NMNAT2: variants seen among roughly 807,000 people sequenced by gnomAD.
NMNAT2 encodes nicotinamide/nicotinic acid mononucleotide adenylyltransferase 2.
In NMNAT2, 11 loss-of-function variants were observed where a neutral mutation model predicts 41.6. The observed-to-expected ratio is 0.26, with a 90% CI of 0.17 to 0.44. The LOEUF is 0.44. NMNAT2 is among the 20% of genes least tolerant of loss of function. The pLI, the probability that NMNAT2 is intolerant of heterozygous loss-of-function variation, is 1.00. For missense variants in NMNAT2, 288 were observed against 407.7 expected (o/e 0.71, Z 2.53); for synonymous variants, 148 against 151.2 (o/e 0.98, Z 0.16).
At chr1:183,339,614 G>T (rs1662752172) in intron 1 of NMNAT2, among the ~76,000 whole-genome samples, 1 of 151,812 alleles carries the variant, frequency 6.6e-6, no homozygotes, top group South Asian at 2.1e-4. Context: ...TGGCATAAAG[G>T]GTTATTGTGA....
chr1:183,269,233 C>T lies in NMNAT2; in HGVS notation c.652-7930G>A, dbSNP rs568756175. 3.6e-4 allele frequency among the ~76,000 whole-genome samples: 55 copies of T among 152,172 alleles called. No individual in the cohort carries two copies. In the South Asian group the frequency reaches 5.0e-3, roughly 14 times the overall value. On this transcript the variant is annotated intron_variant, in intron 8 of 10. Coordinates refer to ENST00000287713, the MANE Select transcript of NMNAT2 (RefSeq NM_015039.4). ...ATGAGGCCACAGCTAGTACAAAGAC[C>T]CTGAGGTGGGGAAAACTGTTTAAAT...
At chr1:183,412,644 G>A (rs1365633543) in intron 1 of NMNAT2, among the ~76,000 whole-genome samples, 1 of 152,236 alleles carries the variant, frequency 6.6e-6, no homozygotes, top group Admixed American at 6.5e-5. Flanking sequence ...TTGCACCAGG[G>A]ATGTAGATGG....
At position 183,255,662 on chromosome 1, in the gene NMNAT2, G is replaced by T. The variant is rs1218850982; in HGVS notation, c.822-2919C>A. Among the ~76,000 whole-genome samples the T allele has an allele frequency of 1.5e-3, 152 of 100,932 alleles. 2 individuals are homozygous for T. The highest frequency in any genetic ancestry group is 5.3e-3 in the African/African-American group (139 of 26,048). The allele number at this position is 100,932 out of a possible 152,430, so 66.2% of individuals were successfully genotyped here. On this transcript the variant is annotated intron_variant, in intron 10 of 10. Transcript: ENST00000287713. ...TCCTTTGTTAAATTTATTCCTAAGG[G>T]TTTTTTTTTTTTTTTTTTTCAGACA... is the stretch of plus-strand genomic sequence containing the variant.
At position 183,387,565 on chromosome 1, in the gene NMNAT2, A is replaced by G. The variant is rs563186496; in HGVS notation, c.85+30618T>C. Reference sequence around the variant, plus strand: ...TCCACAATTTGTCAACTAATCTACTATGTTTCCACATCTATCTCTTGGTCT... The same window carrying G: ...TCCACAATTTGTCAACTAATCTACTGTGTTTCCACATCTATCTCTTGGTCT... On this transcript the variant is annotated intron_variant, in intron 1 of 10. Coordinates refer to ENST00000287713, the MANE Select transcript of NMNAT2 (RefSeq NM_015039.4). Among the ~76,000 whole-genome samples, 9 of 152,330 alleles carry G rather than the reference A, an allele frequency of 5.9e-5. No homozygotes were observed. In the East Asian group the frequency reaches 1.7e-3, roughly 29 times the overall value.
At chr1:183,337,782 G>T (rs576685925) in intron 1 of NMNAT2, among the ~76,000 whole-genome samples, 1 of 152,128 alleles carries the variant, frequency 6.6e-6, no homozygotes, top group South Asian at 2.1e-4. Context: ...CCATCCATTT[G>T]CACTTTTATT....
intron 1 of NMNAT2, among the ~76,000 whole-genome samples, chr1:183,355,259 C>T (rs1266345297): frequency 6.6e-6 from 1 of 152,202 alleles, no homozygotes; most frequent in Non-Finnish European, 1.5e-5. Flanking sequence ...CTCATATGCT[C>T]TCCCAGAAGC....
chr1:183,352,027 A>T (rs1663055503), intron 1 of NMNAT2, among the ~76,000 whole-genome samples: 1 of 152,172 alleles, frequency 6.6e-6, no homozygotes, highest in South Asian at 2.1e-4. Context: ...AAGGGAACAG[A>T]CATATCAATA....
At chr1:183,403,429 GA>G (rs1230466553) in intron 1 of NMNAT2, among the ~76,000 whole-genome samples, 13 of 147,408 alleles carry the variant, frequency 8.8e-5, no homozygotes, top group African/African-American at 3.3e-4. Flanking sequence ...AGGGACAAGT[GA>G]AGAGGAACAA....
intron 1 of NMNAT2, among the ~76,000 whole-genome samples, chr1:183,411,783 T>C (rs1219883104): frequency 6.6e-6 from 1 of 152,044 alleles, no homozygotes; most frequent in Non-Finnish European, 1.5e-5. Context: ...AGGTGATAAG[T>C]ACGAAGGGGA....
intron 1 of NMNAT2, among the ~76,000 whole-genome samples, chr1:183,331,866 C>T (rs1230224262): frequency 6.6e-6 from 1 of 152,244 alleles, no homozygotes; most frequent in Non-Finnish European, 1.5e-5. Context: ...GGGCTCACTA[C>T]AACCTCTGCC....
intron 10 of NMNAT2, among the ~76,000 whole-genome samples, chr1:183,254,692 C>T (rs555734002): frequency 6.6e-6 from 1 of 152,346 alleles, no homozygotes; most frequent in Admixed American, 6.5e-5. Context: ...CCACCTCAGC[C>T]TCCCAGCGTG....
At chr1:183,269,103 T>G (rs1660914659) in intron 8 of NMNAT2, among the ~76,000 whole-genome samples, 1 of 151,998 alleles carries the variant, frequency 6.6e-6, no homozygotes, top group African/African-American at 2.4e-5. Flanking sequence ...AAACATCAAA[T>G]AGAGTTAAGT....
At chr1:183,383,030 C>T (rs772914504) in intron 1 of NMNAT2, among the ~76,000 whole-genome samples, 7 of 152,228 alleles carry the variant, frequency 4.6e-5, no homozygotes, top group Non-Finnish European at 8.8e-5. Flanking sequence ...CAGACTTCTG[C>T]CTGCACATCC....
At chr1:183,301,771 T>C (rs1220963991) in intron 1 of NMNAT2, among the ~76,000 whole-genome samples, 1 of 152,252 alleles carries the variant, frequency 6.6e-6, no homozygotes, top group East Asian at 1.9e-4. Context: ...TAAAAATTCA[T>C]GAGACACACA....
chr1:183,406,309 G>GA (rs1648952927), intron 1 of NMNAT2, among the ~76,000 whole-genome samples: 1 of 152,188 alleles, frequency 6.6e-6, no homozygotes, highest in Admixed American at 6.5e-5. Flanking sequence ...AGCCGAAAGA[G>GA]AAGGGTGCTG....
intron 1 of NMNAT2, among the ~76,000 whole-genome samples, chr1:183,370,447 G>A (rs1249534063): frequency 1.3e-5 from 2 of 152,170 alleles, no homozygotes; most frequent in East Asian, 1.9e-4. Context: ...TAAATGAAAT[G>A]AAGTTGTGAA....
chr1:183,333,482 G>C (rs1012530161), intron 1 of NMNAT2, among the ~76,000 whole-genome samples: 1 of 152,192 alleles, frequency 6.6e-6, no homozygotes, highest in Admixed American at 6.5e-5. Flanking sequence ...GTCAGAGTCA[G>C]AGAAGGAGAT....
intron 1 of NMNAT2, among the ~76,000 whole-genome samples, chr1:183,369,263 C>CTTTTTTT (rs55925461): frequency 2.1e-5 from 3 of 140,092 alleles, no homozygotes; most frequent in Non-Finnish European, 3.1e-5. Context: ...CTTTTCTTTT[C>CTTTTTTT]TTTTTTTTTT....
chr1:183,347,361 G>C (rs1358692568), intron 1 of NMNAT2, among the ~76,000 whole-genome samples: 4 of 152,100 alleles, frequency 2.6e-5, no homozygotes, highest in Non-Finnish European at 5.9e-5. Context: ...GAGGGTGAGA[G>C]AGGAGAATCA....
Sources: allele counts gnomAD v4.1 joint callset (sites outside exome capture counted in the v4.1 genomes callset), GRCh38; gene constraint gnomAD v4.1.1; transcripts MANE v1.5; gene names NCBI Gene and HGNC (gene_info 2026-07-23, HGNC 2026-07-21).